The following BARX2 variants were observed in gnomAD, a reference collection of about 807,000 sequenced individuals.
The protein encoded by BARX2 is BARX homeobox 2.
Under a neutral mutation model 25.5 loss-of-function variants are expected in BARX2, and 11 were observed. The ratio of observed to expected loss-of-function variants is 0.43; its 90% CI spans 0.27 to 0.71. BARX2 has a LOEUF of 0.71. BARX2 is among the 30% of genes least tolerant of loss of function. The pLI is 0.19. For missense variants in BARX2, 360 were observed against 359.9 expected (o/e 1.00, Z 0.00); for synonymous variants, 137 against 149.5 (o/e 0.92, Z 0.61).
chr11:129,428,785 A>G lies in BARX2; in HGVS notation c.188-7966A>G, dbSNP rs138674100. Among the ~76,000 whole-genome samples the G allele has an allele frequency of 2.8e-3, 422 of 152,214 alleles. 2 individuals are homozygous for G. The highest frequency in any genetic ancestry group is 9.6e-3 in the African/African-American group (398 of 41,530). ...CAAGACAGTGCCTCATTGCGATTCT[A>G]TTTGTTGACAATGGTGATCCTTTTA... is the stretch of plus-strand genomic sequence containing the variant. On this transcript the variant is annotated intron_variant, in intron 1 of 3. Coordinates refer to ENST00000281437, the MANE Select transcript of BARX2 (RefSeq NM_003658.5).
chr11:129,412,143 G>A (rs1053401801), intron 1 of BARX2, among the ~76,000 whole-genome samples: 1 of 151,922 alleles, frequency 6.6e-6, no homozygotes. Context: ...ATGGTGGCGG[G>A]CGCCTGTAGT....
chr11:129,446,327 T>G (rs1414446507), intron 3 of BARX2, among the ~76,000 whole-genome samples: 1 of 152,140 alleles, frequency 6.6e-6, no homozygotes, highest in East Asian at 1.9e-4. Context: ...GTCATTATCT[T>G]TCTCATGAAA....
intron 3 of BARX2, among the ~76,000 whole-genome samples, chr11:129,447,033 A>C (rs1325944246): frequency 6.6e-6 from 1 of 152,172 alleles, no homozygotes; most frequent in Non-Finnish European, 1.5e-5. Context: ...CCCATTTTAC[A>C]TATCCCTCGC....
chr11:129,420,790 G>C (rs1291845561), intron 1 of BARX2, among the ~76,000 whole-genome samples: 1 of 152,226 alleles, frequency 6.6e-6, no homozygotes, highest in South Asian at 2.1e-4. Context: ...TTGATACCCT[G>C]TGCAAAGTAC....
At chr11:129,398,296 G>T (rs1365491743) in intron 1 of BARX2, among the ~76,000 whole-genome samples, 1 of 152,140 alleles carries the variant, frequency 6.6e-6, no homozygotes, top group Admixed American at 6.5e-5. Context: ...ATTAGGTAGG[G>T]CTTTGTGTTT....
At chr11:129,406,795 T>C (rs188157296) in intron 1 of BARX2, among the ~76,000 whole-genome samples, 3 of 152,248 alleles carry the variant, frequency 2.0e-5, no homozygotes, top group Admixed American at 6.5e-5. Context: ...CATGAAATAA[T>C]TGATGATGAT....
intron 1 of BARX2, among the ~76,000 whole-genome samples, chr11:129,392,515 T>C (rs747903637): frequency 6.6e-6 from 1 of 152,180 alleles, no homozygotes; most frequent in Non-Finnish European, 1.5e-5. Flanking sequence ...GAAAAAACAA[T>C]AATAATAACA....
chr11:129,401,519 G>A (rs1861775290), intron 1 of BARX2, among the ~76,000 whole-genome samples: 1 of 152,130 alleles, frequency 6.6e-6, no homozygotes, highest in Non-Finnish European at 1.5e-5. Flanking sequence ...ACTATAAATT[G>A]ACATAGGATA....
intron 2 of BARX2, among the ~76,000 whole-genome samples, chr11:129,439,792 C>T (rs1457337102): frequency 1.3e-5 from 2 of 152,156 alleles, no homozygotes; most frequent in Admixed American, 6.5e-5. Flanking sequence ...TAATTGAGAG[C>T]CTCATGAACT....
At chr11:129,407,818 G>A (rs1451186603) in intron 1 of BARX2, among the ~76,000 whole-genome samples, 2 of 151,936 alleles carry the variant, frequency 1.3e-5, no homozygotes, top group Non-Finnish European at 2.9e-5. Context: ...CATCAAACAC[G>A]GAGGAAAGGC....
intron 1 of BARX2, among the ~76,000 whole-genome samples, chr11:129,420,505 G>A (rs1861992572): frequency 6.6e-6 from 1 of 152,096 alleles, no homozygotes; most frequent in Admixed American, 6.5e-5. Flanking sequence ...ATCAAAGACT[G>A]GATTAGAAAA....
intron 1 of BARX2, among the ~76,000 whole-genome samples, chr11:129,399,016 C>T (rs1861750116): frequency 6.6e-6 from 1 of 152,106 alleles, no homozygotes; most frequent in Admixed American, 6.6e-5. Context: ...AATTGCAGTT[C>T]AACGTAGGGA....
Position 129,451,472 on chromosome 11 carries a change from A to G in BARX2, c.*70A>G. On this transcript the variant is annotated 3_prime_UTR_variant, in exon 4 of 4. Coordinates refer to ENST00000281437, the MANE Select transcript of BARX2 (RefSeq NM_003658.5). ...AAGAGAGAAGGCAGGGAGAGTAGGG[A>G]GAGAAAACCTTCCAGCAGCCCAGTA... 6.5e-7 allele frequency: 1 copy of G among 1,537,510 alleles called. No homozygotes were observed. Among genetic ancestry groups the G allele is most frequent in the South Asian group, 1.2e-5 (1 of 80,650 alleles).
chr11:129,415,234 T>G (rs1027668652), intron 1 of BARX2, among the ~76,000 whole-genome samples: 1 of 152,052 alleles, frequency 6.6e-6, no homozygotes, highest in Non-Finnish European at 1.5e-5. Flanking sequence ...TCATGATGAG[T>G]TTCAGGTGCG....
chr11:129,448,882 G>T (rs148383338), intron 3 of BARX2, among the ~76,000 whole-genome samples: 4 of 152,116 alleles, frequency 2.6e-5, no homozygotes, highest in Admixed American at 6.5e-5. Context: ...TAAATGCTAC[G>T]GCATGGATAG....
chr11:129,392,114 T>G (rs2135388462), intron 1 of BARX2, among the ~76,000 whole-genome samples: 1 of 152,282 alleles, frequency 6.6e-6, no homozygotes, highest in East Asian at 1.9e-4. Flanking sequence ...TTTTCAACTC[T>G]TCAGGGTCAG....
intron 3 of BARX2, among the ~76,000 whole-genome samples, chr11:129,446,186 A>G (rs1445583995): frequency 6.6e-6 from 1 of 152,196 alleles, no homozygotes; most frequent in Non-Finnish European, 1.5e-5. Context: ...GTTTTGCAAC[A>G]GGCTGAAAGA....
intron 1 of BARX2, among the ~76,000 whole-genome samples, chr11:129,408,469 A>C (rs1252510285): frequency 6.6e-6 from 1 of 152,212 alleles, no homozygotes; most frequent in African/African-American, 2.4e-5. Context: ...CTTAGCTCAC[A>C]GTGCGTCGGT....
At chr11:129,420,629 A>G (rs974618241) in intron 1 of BARX2, among the ~76,000 whole-genome samples, 1 of 152,202 alleles carries the variant, frequency 6.6e-6, no homozygotes, top group Non-Finnish European at 1.5e-5. Context: ...TACAGTCTGG[A>G]TCACCCATGG....
Sources: gnomAD v4.1 joint callset for allele counts (sites outside exome capture counted in the v4.1 genomes callset) on GRCh38, gnomAD v4.1.1 for gene constraint, MANE v1.5 for transcripts, NCBI Gene and HGNC (gene_info 2026-07-23, HGNC 2026-07-21) for gene names.